CLMN: variants seen among roughly 807,000 people sequenced by gnomAD.
The protein encoded by CLMN is calmin, also known as calmin (calponin-like, transmembrane).
A neutral mutation model predicts 92.7 loss-of-function variants in CLMN; 57 were observed. That is an observed-to-expected ratio of 0.61 (90% CI 0.50 to 0.77). The LOEUF (loss-of-function observed/expected upper bound fraction) is 0.77. CLMN is among the 30% of genes least tolerant of loss of function. The pLI, the probability that CLMN is intolerant of heterozygous loss-of-function variation, is 0.00. For missense variants in CLMN, 1,158 were observed against 1,237.5 expected (o/e 0.94, Z 0.96); for synonymous variants, 466 against 470.6 (o/e 0.99, Z 0.13).
chr14:95,216,157 G>C (rs377042406), intron 4 of CLMN, among the ~76,000 whole-genome samples: 1 of 152,292 alleles, frequency 6.6e-6, no homozygotes, highest in East Asian at 1.9e-4. Flanking sequence ...GGAGGGCGAA[G>C]GGGAAGCAAG....
At chr14:95,248,233 A>G (rs1196774509) in intron 1 of CLMN, among the ~76,000 whole-genome samples, 1 of 152,238 alleles carries the variant, frequency 6.6e-6, no homozygotes, top group East Asian at 1.9e-4. Context: ...TTAAAAAATC[A>G]TTGTATTCTG....
At chr14:95,290,399 A>C (rs1014660029) in intron 1 of CLMN, among the ~76,000 whole-genome samples, 6 of 152,252 alleles carry the variant, frequency 3.9e-5, no homozygotes, top group Non-Finnish European at 5.9e-5. Flanking sequence ...CCGTAGTCTC[A>C]GGGAGGGCCT....
At chr14:95,234,309 G>A (rs555995211) in intron 1 of CLMN, among the ~76,000 whole-genome samples, 10 of 152,252 alleles carry the variant, frequency 6.6e-5, no homozygotes, top group Admixed American at 4.6e-4. Context: ...GGTCACCGGC[G>A]TTTTGACTGG....
chr14:95,235,309 G>C (rs1428628884), intron 1 of CLMN, among the ~76,000 whole-genome samples: 1 of 152,176 alleles, frequency 6.6e-6, no homozygotes, highest in African/African-American at 2.4e-5. Context: ...GCCGGGGCCT[G>C]GGAATCTGCA....
chr14:95,220,164 G>T, intron 4 of CLMN, among the ~76,000 whole-genome samples: 1 of 133,040 alleles, frequency 7.5e-6, no homozygotes, highest in Admixed American at 7.6e-5. Context: ...TGTATGGATA[G>T]GTCCCTTTTT....
intron 12 of CLMN, chr14:95,193,432 G>C (rs1896610555): frequency 6.8e-7 from 1 of 1,471,976 alleles, no homozygotes; most frequent in African/African-American, 1.4e-5. Flanking sequence ...TGGCAACAGA[G>C]AATGGACAGG....
chr14:95,318,154 A>C (rs2140810210), intron 1 of CLMN, among the ~76,000 whole-genome samples: 1 of 152,338 alleles, frequency 6.6e-6, no homozygotes, highest in East Asian at 1.9e-4. Flanking sequence ...AGCATTGGTT[A>C]GTATGTGCTT....
chr14:95,196,523 T>C lies in CLMN; in HGVS notation c.2683A>G (p.Ser895Gly), dbSNP rs1275494288. 7 of 1,613,030 alleles carry C rather than the reference T, an allele frequency of 4.3e-6. No individual in the cohort carries two copies. Among genetic ancestry groups the C allele is most frequent in the Non-Finnish European group, 5.9e-6 (7 of 1,179,726 alleles). Residue 895 changes from serine to glycine, a missense_variant, in exon 10 of 13, where the codon AGT becomes GGT. Transcript: ENST00000298912. ...CTGGAAGGAATGCTGTAGTCGCTACTGTCTTCTTCTAGGTCATCTGAGGAT... is the reference window on the plus strand; with the variant it reads ...CTGGAAGGAATGCTGTAGTCGCTACCGTCTTCTTCTAGGTCATCTGAGGAT... ...VQSSDDLEEDSSDYSIPSRTS... is the reference protein window; with the variant it reads ...VQSSDDLEEDGSDYSIPSRTS...
intron 1 of CLMN, among the ~76,000 whole-genome samples, chr14:95,309,656 G>A (rs1901443595): frequency 1.3e-5 from 2 of 152,166 alleles, no homozygotes; most frequent in African/African-American, 2.4e-5. Flanking sequence ...TCTCCAGCCA[G>A]GTGGTGGCAG....
chr14:95,245,193 TAA>T lies in CLMN; in HGVS notation c.83-15062_83-15061del, dbSNP rs1491095326. Among the ~76,000 whole-genome samples, 292 of 38,970 alleles carry T rather than the reference TAA, an allele frequency of 7.5e-3. 19 individuals are homozygous for T. Among genetic ancestry groups the T allele is most frequent in the African/African-American group, 0.027 (241 of 9,002 alleles). 25.6% of individuals were successfully genotyped at this position (38,970 alleles called of 152,430 possible). ...GTTATATTATATATATATATATATATAATATATATATATATTATATATATATA... is the reference window on the plus strand; with the variant it reads ...GTTATATTATATATATATATATATATTATATATATATATTATATATATATA... On this transcript the variant is annotated intron_variant, in intron 1 of 12. Coordinates refer to ENST00000298912, the MANE Select transcript of CLMN (RefSeq NM_024734.4).
chr14:95,297,833 A>G (rs949930783), intron 1 of CLMN, among the ~76,000 whole-genome samples: 16 of 151,832 alleles, frequency 1.1e-4, no homozygotes, highest in African/African-American at 3.6e-4. Context: ...ACACACACAC[A>G]CACACACACA....
chr14:95,269,192 T>G (rs1453293830), intron 1 of CLMN, among the ~76,000 whole-genome samples: 2 of 152,230 alleles, frequency 1.3e-5, no homozygotes, highest in Non-Finnish European at 2.9e-5. Flanking sequence ...GTTAATCAAA[T>G]ATATGCCTGT....
intron 5 of CLMN, 86 bp from the exon 6 acceptor site, chr14:95,213,495 T>C (rs1009872465): frequency 2.5e-5 from 31 of 1,254,350 alleles, no homozygotes; most frequent in Non-Finnish European, 3.3e-5. Flanking sequence ...ATATGGACCA[T>C]GGCTGGAGGG....
At chr14:95,204,764 AAAG>A (rs1566865433) in intron 8 of CLMN, among the ~76,000 whole-genome samples, 1 of 152,236 alleles carries the variant, frequency 6.6e-6, no homozygotes, top group Non-Finnish European at 1.5e-5. Context: ...ACCAAGCTCT[AAAG>A]AAGGACAATC....
chr14:95,318,832 C>T (rs2140811284), intron 1 of CLMN, among the ~76,000 whole-genome samples: 1 of 152,330 alleles, frequency 6.6e-6, no homozygotes. Context: ...TGAAGAACAC[C>T]TGTCTGTTGG....
chr14:95,208,218 C>T lies in CLMN; in HGVS notation c.885+1177G>A, dbSNP rs376700729. ...ATAACTGTTTCCGTTACTAGAACAACGCTCCACAAGGCCAGGGACCTCAGC... is the reference window on the plus strand; with the variant it reads ...ATAACTGTTTCCGTTACTAGAACAATGCTCCACAAGGCCAGGGACCTCAGC... On this transcript the variant is annotated intron_variant, in intron 8 of 12. Transcript: ENST00000298912. Among the ~76,000 whole-genome samples, 62 of 152,250 alleles carry T rather than the reference C, an allele frequency of 4.1e-4. 1 individual carries two copies. The highest frequency in any genetic ancestry group is 3.4e-3 in the Middle Eastern group (1 of 294).
In CLMN at chr14:95,194,141, G is replaced by C; in HGVS notation, c.2770-222C>G. ...GTGAGTGCGAGAGACCCCACCACCC[G>C]GAACCCGGATTGGGGTGTGCTGCTC... On this transcript the variant is annotated intron_variant, in intron 11 of 12. Transcript: ENST00000298912. The surrounding 1 kb of genome is among the most constrained non-coding windows in gnomAD (Gnocchi z 4.0). 1 of 1,411,918 alleles carries C rather than the reference G, an allele frequency of 7.1e-7. No homozygotes were observed. Among genetic ancestry groups the C allele is most frequent in the Non-Finnish European group, 9.2e-7 (1 of 1,089,324 alleles). The allele number at this position is 1,411,918 out of a possible 1,614,324, so 87.5% of individuals were successfully genotyped here. A position where few individuals can be genotyped will look rare whatever the true frequency, so the allele number is the denominator to read the frequency against.
chr14:95,235,048 CAT>C (rs1898006437), intron 1 of CLMN, among the ~76,000 whole-genome samples: 1 of 152,088 alleles, frequency 6.6e-6, no homozygotes, highest in African/African-American at 2.4e-5. Context: ...TACAGAAAAG[CAT>C]AGAGAAAAAT....
In CLMN at chr14:95,191,234, G is replaced by T. The variant is rs1287822868; in HGVS notation, c.*330C>A. The T allele has an allele frequency of 1.7e-5, 3 of 174,318 alleles. No homozygotes were observed. In the Admixed American group the frequency reaches 1.9e-4, roughly 11 times the overall value. The allele number at this position is 174,318 out of a possible 1,614,324, so 10.8% of individuals were successfully genotyped here. A position where few individuals can be genotyped will look rare whatever the true frequency, so the allele number is the denominator to read the frequency against. On this transcript the variant is annotated 3_prime_UTR_variant, in exon 13 of 13. Coordinates refer to ENST00000298912, the MANE Select transcript of CLMN (RefSeq NM_024734.4). The surrounding 1 kb of genome is among the most constrained non-coding windows in gnomAD (Gnocchi z 5.3). ...CATCCAGCGTGTGAACCTGCAATGT[G>T]GGGTGTGCTAAGATCCAGGCGGGCT...
Sources: allele counts gnomAD v4.1 joint callset (sites outside exome capture counted in the v4.1 genomes callset), GRCh38; gene constraint gnomAD v4.1.1; non-coding constraint Gnocchi (gnomAD v3.1); transcripts MANE v1.5; gene names NCBI Gene and HGNC (gene_info 2026-07-23, HGNC 2026-07-21).